POLA2: variants seen among roughly 807,000 people sequenced by gnomAD.
The protein encoded by POLA2 is DNA polymerase alpha subunit B.
A neutral mutation model predicts 82.8 loss-of-function variants in POLA2; 47 were observed. The observed-to-expected ratio is 0.57, with a 90% confidence interval of 0.45 to 0.72. The LOEUF is 0.72. Among genes scored for constraint, POLA2 ranks in the 30% least tolerant of loss-of-function variants. The probability of loss-of-function intolerance (pLI) is 0.00; values close to 1 mark genes in which losing one functional copy is unlikely to be tolerated. For synonymous variants in POLA2, 287 were observed against 286.8 expected, an observed-to-expected ratio of 1.00 and a Z score of -0.01; for missense variants, 634 against 728.1, an observed-to-expected ratio of 0.87 and a Z score of 1.49.
intron 13 of POLA2, among the ~76,000 whole-genome samples, chr11:65,291,545 G>A (rs1194770670): frequency 6.6e-6 from 1 of 152,212 alleles, no homozygotes; most frequent in Non-Finnish European, 1.5e-5. Context: ...AAGTTCATCA[G>A]GCCTGGAGAG....
chr11:65,281,617 C>G, intron 8 of POLA2, 53 bp from the exon 9 acceptor site: 1 of 1,245,632 alleles, frequency 8.0e-7, no homozygotes, highest in South Asian at 1.2e-5. Flanking sequence ...TAATGTATTC[C>G]AGACCTCATT....
intron 4 of POLA2, among the ~76,000 whole-genome samples, chr11:65,273,669 A>G (rs1004165029): frequency 3.3e-5 from 5 of 151,966 alleles, no homozygotes; most frequent in African/African-American, 4.8e-5. Flanking sequence ...TTTAATTATA[A>G]AAAAAATAAA....
chr11:65,280,945 C>T lies in POLA2; in HGVS notation c.745-47C>T, dbSNP rs546078158. 4.0e-5 allele frequency: 64 copies of T among 1,588,952 alleles called. No individual in the cohort carries two copies. The South Asian group carries it at 4.9e-4, about 12-fold the overall frequency. Reference sequence around the variant, plus strand: ...CCCTATCGACTTCAGATTTTGAGCTCCTGCTCCAAAGACTGTCATTCTTAT... The same window carrying T: ...CCCTATCGACTTCAGATTTTGAGCTTCTGCTCCAAAGACTGTCATTCTTAT... On this transcript the variant is annotated intron_variant, in intron 7 of 17. Transcript: ENST00000265465.
chr11:65,266,498 G>C (rs1282925787), intron 1 of POLA2, 84 bp from the exon 2 acceptor site: 2 of 1,423,748 alleles, frequency 1.4e-6, no homozygotes, highest in African/African-American at 2.8e-5. Context: ...CATTGATGGA[G>C]TAAACCAGGA....
At chr11:65,297,067 G>A in intron 17 of POLA2, 53 bp from the exon 18 acceptor site, 1 of 1,597,360 alleles carries the variant, frequency 6.3e-7, no homozygotes, top group Non-Finnish European at 8.6e-7. Context: ...TTTCACATTG[G>A]TTCCCAGTTA....
Position 65,281,194 on chromosome 11 carries a change from CT to C in POLA2, c.900+48del, listed in dbSNP as rs763632668. 8 of 1,592,550 alleles carry C rather than the reference CT, an allele frequency of 5.0e-6. No homozygotes were observed. The African/African-American group carries it at 1.1e-4, about 21-fold the overall frequency. On this transcript the variant is annotated intron_variant, in intron 8 of 17. Transcript: ENST00000265465. ...CAGAATGCAGGCGCACTCTTTACCCCTGTAGTGTAGGTGCTGTGCCATGCGC... is the reference window on the plus strand; with the variant it reads ...CAGAATGCAGGCGCACTCTTTACCCCGTAGTGTAGGTGCTGTGCCATGCGC...
chr11:65,300,049 C>T (rs756193956), downstream of POLA2, among the ~76,000 whole-genome samples: 13 of 152,138 alleles, frequency 8.5e-5, no homozygotes, highest in African/African-American at 3.1e-4. Flanking sequence ...GGCCTCGCCA[C>T]CATCTAATTC....
chr11:65,293,194 C>T (rs149101407), intron 13 of POLA2, among the ~76,000 whole-genome samples: 60 of 152,042 alleles, frequency 3.9e-4, no homozygotes, highest in Non-Finnish European at 7.2e-4. Flanking sequence ...GGGAGGGATG[C>T]GATGGCTCAG....
At chr11:65,264,572 C>CT (rs1949438118) in intron 1 of POLA2, among the ~76,000 whole-genome samples, 1 of 152,188 alleles carries the variant, frequency 6.6e-6, no homozygotes, top group African/African-American at 2.4e-5. Context: ...CACCCTCACT[C>CT]TCAGCTGACA....
intron 13 of POLA2, among the ~76,000 whole-genome samples, chr11:65,290,586 G>A (rs547096515): frequency 7.2e-5 from 11 of 151,978 alleles, no homozygotes; most frequent in African/African-American, 9.7e-5. Context: ...TTGAACTACC[G>A]AGATCAGCTA....
rs771254659 is a variant in POLA2, at chr11:65,278,759, G to A, written c.491G>A (p.Arg164Gln). The A allele has an allele frequency of 6.2e-6, 10 of 1,613,462 alleles. No individual in the cohort carries two copies. Among genetic ancestry groups the A allele is most frequent in the South Asian group, 1.1e-5 (1 of 91,032 alleles). The change falls in exon 6 of 18, where the codon CGA becomes CAA. Residue 164 changes from arginine to glutamine, a missense_variant. By Grantham distance (43) the Arg-to-Gln change is conservative. Coordinates refer to ENST00000265465, the MANE Select transcript of POLA2 (RefSeq NM_002689.4). ...ACTCCCTCCCAGAAATACAACTCAC[G>A]AAGTAACCGAGGAGAAGTGGTTACC... is the stretch of plus-strand genomic sequence containing the variant. ...SATPSQKYNSRSNRGEVVTSF... is the reference protein window; with the variant it reads ...SATPSQKYNSQSNRGEVVTSF...
Position 65,281,059 on chromosome 11 carries a change from T to C in POLA2, c.812T>C (p.Ile271Thr). ...GGGAAGCTGAACAACAAGTCAGTGATTCTCGAGGGAGACCGGGAACATTCC... is the reference window on the plus strand; with the variant it reads ...GGGAAGCTGAACAACAAGTCAGTGACTCTCGAGGGAGACCGGGAACATTCC... ...SNGKLNNKSVILEGDREHSSG... is the reference protein window; with the variant it reads ...SNGKLNNKSVTLEGDREHSSG... The change falls in exon 8 of 18, where the codon ATT (isoleucine) becomes ACT (threonine). Residue 271 changes from isoleucine to threonine, a missense_variant. Coordinates refer to ENST00000265465, the MANE Select transcript of POLA2 (RefSeq NM_002689.4). 1.9e-6 allele frequency: 3 copies of C among 1,614,168 alleles called. No individual in the cohort carries two copies.
intron 4 of POLA2, among the ~76,000 whole-genome samples, chr11:65,270,936 G>A (rs1167258249): frequency 6.6e-6 from 1 of 152,188 alleles, no homozygotes; most frequent in Non-Finnish European, 1.5e-5. Context: ...TTCTGTAGGA[G>A]CTGGCCCCCT....
Position 65,268,108 on chromosome 11 carries a change from AAAT to A in POLA2, c.296+552_297-550del, listed in dbSNP as rs1006423316. On this transcript the variant is annotated intron_variant, in intron 3 of 17. Coordinates refer to ENST00000265465, the MANE Select transcript of POLA2 (RefSeq NM_002689.4). ...GTGCCCGGCCAAAGTACAAATTAAA[AAAT>A]AATAATAATAAGCTGGGTGTGGTGA... is the stretch of plus-strand genomic sequence containing the variant. Among the ~76,000 whole-genome samples, 9 of 151,806 alleles carry A rather than the reference AAAT, an allele frequency of 5.9e-5. No homozygotes were observed. The South Asian group carries it at 1.7e-3, about 28-fold the overall frequency.
Position 65,294,238 on chromosome 11 carries a change from G to C in POLA2, c.1330G>C (p.Asp444His), listed in dbSNP as rs191375625. ...VYPQPPFSYS[D>H]LSREDKKQVQ... is the part of the protein sequence containing the mutation. The stretch of plus-strand genomic sequence containing the variant: ...CCCCCAGCCGCCTTTCAGCTACTCC[G>C]ATCTGTCTCGAGAGGACAAAAAGGT... Residue 444 changes from aspartate to histidine, a missense_variant, in exon 14 of 18, where the codon GAT becomes CAT. Transcript: ENST00000265465. The C allele has an allele frequency of 2.5e-6, 4 of 1,613,828 alleles. No individual in the cohort carries two copies. The African/African-American group carries it at 4.0e-5, about 16-fold the overall frequency.
chr11:65,305,630 C>T (rs1429237145), downstream of POLA2: 3 of 344,172 alleles, frequency 8.7e-6, no homozygotes, highest in Non-Finnish European at 1.7e-5. Flanking sequence ...GCTATGATGA[C>T]ACCATTGTAC....
intron 10 of POLA2, among the ~76,000 whole-genome samples, chr11:65,285,926 G>C (rs1450124819): frequency 6.6e-6 from 1 of 152,160 alleles, no homozygotes; most frequent in African/African-American, 2.4e-5. Context: ...CACCTTGAAT[G>C]CTCTGTCAGT....
chr11:65,282,488 C>T lies in POLA2; in HGVS notation c.973C>T (p.Leu325Phe), dbSNP rs1188931966. Residue 325 changes from leucine (L) to phenylalanine (F), a missense_variant, in exon 10 of 18, where the codon CTT (leucine) becomes TTT (phenylalanine). Leu to Phe is a conservative substitution (Grantham distance 22). Coordinates refer to ENST00000265465, the MANE Select transcript of POLA2 (RefSeq NM_002689.4). Reference sequence around the variant, plus strand: ...TTTCCCCTGTTTTTAGGGTGTGCCACTTCCATTTTATCAGCCCACTGAAGA... The same window carrying T: ...TTTCCCCTGTTTTTAGGGTGTGCCATTTCCATTTTATCAGCCCACTGAAGA... ...VATKLYEGVP[L>F]PFYQPTEEDA... 12 of 1,613,796 alleles carry T rather than the reference C, an allele frequency of 7.4e-6. No individual in the cohort carries two copies. Among genetic ancestry groups the T allele is most frequent in the Admixed American group, 1.7e-5 (1 of 60,008 alleles).
chr11:65,293,607 T>C (rs1003192798), intron 13 of POLA2, among the ~76,000 whole-genome samples: 1 of 109,814 alleles, frequency 9.1e-6, no homozygotes, highest in East Asian at 2.4e-4. Flanking sequence ...AGGCTCTGTC[T>C]CAAAAAAAAA....
Sources: gnomAD v4.1 joint callset for allele counts (sites outside exome capture counted in the v4.1 genomes callset) on GRCh38, gnomAD v4.1.1 for gene constraint, MANE v1.5 for transcripts, NCBI Gene and HGNC (gene_info 2026-07-23, HGNC 2026-07-21) for gene names.